MLIP: variants seen among roughly 807,000 people sequenced by gnomAD.
MLIP encodes muscular LMNA-interacting protein.
A neutral mutation model predicts 84.8 loss-of-function variants in MLIP; 79 were observed. That is an observed-to-expected ratio of 0.93 (90% CI 0.78 to 1.12). The LOEUF (loss-of-function observed/expected upper bound fraction) is 1.12. Ranked by LOEUF, MLIP falls within the 50% of genes most tolerant of loss-of-function variation. MLIP has a pLI of 0.00. For synonymous variants in MLIP, 504 were observed against 463.0 expected (o/e 1.09, Z -1.14); for missense variants, 1,257 against 1,160.6 (o/e 1.08, Z -1.21).
chr6:54,153,851 CAA>C (rs3996974), intron 5 of MLIP, among the ~76,000 whole-genome samples: 3 of 117,846 alleles, frequency 2.5e-5, no homozygotes, highest in African/African-American at 3.3e-5. Flanking sequence ...GACTCAGTCT[CAA>C]AAAAAAAAAA....
At chr6:54,237,700 AT>A (rs1781462625) in intron 12 of MLIP, among the ~76,000 whole-genome samples, 1 of 141,270 alleles carries the variant, frequency 7.1e-6, no homozygotes, top group Admixed American at 7.1e-5. Flanking sequence ...AAAAAAAAAA[AT>A]TAGCTGGGCA....
chr6:54,030,575 A>T (rs1055060476), intron 1 of MLIP: 2 of 149,500 alleles, frequency 1.3e-5, no homozygotes, highest in African/African-American at 4.9e-5. Context: ...CACAGCAACT[A>T]TTTTTTTTTT....
At chr6:54,169,694 G>A (rs1292488248) in intron 9 of MLIP, 122 bp downstream of exon 9, 4 of 505,376 alleles carry the variant, frequency 7.9e-6, no homozygotes, top group Admixed American at 4.4e-5. Flanking sequence ...TTGAAGGGTA[G>A]GATGATATGA....
rs145246971 is a variant in MLIP, at chr6:54,124,558, G to A, written c.338G>A (p.Ser113Asn). 1.9e-5 allele frequency: 30 copies of A among 1,614,198 alleles called. No individual in the cohort carries two copies. The African/African-American group carries it at 3.9e-4, about 21-fold the overall frequency. The change falls in exon 3 of 14, where the codon AGT (serine) becomes AAT (asparagine). Residue 113 changes from serine to asparagine, a missense_variant. Coordinates refer to ENST00000502396, the MANE Select transcript of MLIP (RefSeq NM_001281747.2). ...QAKLTCPSEV[S>N]GTILQEREFE... Reference sequence around the variant, plus strand: ...AAATTGACTTGTCCTTCAGAGGTCAGTGGAACGATTTTACAAGAAAGGGAA... The same window carrying A: ...AAATTGACTTGTCCTTCAGAGGTCAATGGAACGATTTTACAAGAAAGGGAA...
intron 11 of MLIP, among the ~76,000 whole-genome samples, chr6:54,209,338 C>T (rs1005856582): frequency 1.3e-5 from 2 of 152,074 alleles, no homozygotes; most frequent in African/African-American, 4.8e-5. Context: ...ATAAGAGAAG[C>T]AAAGAGCTAA....
At chr6:54,199,597 A>G (rs776253644) in intron 10 of MLIP, among the ~76,000 whole-genome samples, 3 of 152,104 alleles carry the variant, frequency 2.0e-5, no homozygotes, top group Non-Finnish European at 2.9e-5. Flanking sequence ...TGGAGGGTGC[A>G]TGAGGTTCAG....
intron 4 of MLIP, among the ~76,000 whole-genome samples, chr6:54,148,239 G>T (rs1233892077): frequency 3.9e-5 from 6 of 152,206 alleles, no homozygotes; most frequent in African/African-American, 1.4e-4. Context: ...CTTGAACTCA[G>T]TTCATCAGCT....
intron 1 of MLIP, chr6:54,083,644 T>G: frequency 7.2e-6 from 11 of 1,534,942 alleles, no homozygotes; most frequent in Non-Finnish European, 7.9e-6. Flanking sequence ...ATTAGTACAA[T>G]TCCTTGATAC....
At chr6:54,240,709 G>A (rs1250152558) in intron 12 of MLIP, among the ~76,000 whole-genome samples, 2 of 152,182 alleles carry the variant, frequency 1.3e-5, no homozygotes, top group Admixed American at 1.3e-4. Context: ...GGGCACCGTG[G>A]CTCACGCCTG....
chr6:54,098,218 C>T (rs1234539034), intron 1 of MLIP, among the ~76,000 whole-genome samples: 1 of 147,974 alleles, frequency 6.8e-6, no homozygotes, highest in Non-Finnish European at 1.5e-5. Context: ...TGAAGTGGCA[C>T]GATCATAGCT....
chr6:54,050,477 C>A (rs1311382022), intron 1 of MLIP, among the ~76,000 whole-genome samples: 1 of 152,030 alleles, frequency 6.6e-6, no homozygotes, highest in Non-Finnish European at 1.5e-5. Flanking sequence ...TTATTGTTCT[C>A]ATTAAATATT....
At chr6:54,231,422 A>G (rs1780991248) in intron 12 of MLIP, among the ~76,000 whole-genome samples, 1 of 152,098 alleles carries the variant, frequency 6.6e-6, no homozygotes, top group African/African-American at 2.4e-5. Flanking sequence ...TAGTAACGCG[A>G]TGTGTAAAAA....
At chr6:54,220,604 T>G (rs1780152257) in intron 11 of MLIP, among the ~76,000 whole-genome samples, 1 of 152,252 alleles carries the variant, frequency 6.6e-6, no homozygotes, top group South Asian at 2.1e-4. Context: ...ACTCCCAATA[T>G]GGGAGTTTTA....
intron 1 of MLIP, among the ~76,000 whole-genome samples, chr6:54,025,782 A>G (rs1466054487): frequency 2.0e-5 from 3 of 152,042 alleles, no homozygotes; most frequent in Non-Finnish European, 4.4e-5. Flanking sequence ...TATTGGTGAC[A>G]TTGTCATGGG....
intron 1 of MLIP, among the ~76,000 whole-genome samples, chr6:54,080,525 C>A (rs1475332431): frequency 6.6e-6 from 1 of 151,712 alleles, no homozygotes; most frequent in Non-Finnish European, 1.5e-5. Flanking sequence ...ATGGACTAAG[C>A]TTCAAAAAAT....
intron 4 of MLIP, among the ~76,000 whole-genome samples, chr6:54,143,686 C>G: frequency 6.6e-6 from 1 of 152,114 alleles, no homozygotes; most frequent in East Asian, 1.9e-4. Context: ...GGAAGGAGGT[C>G]TTTAATTAGC....
At chr6:54,078,691 CT>C (rs70980890) in intron 1 of MLIP, among the ~76,000 whole-genome samples, 3,103 of 133,290 alleles carry the variant, frequency 0.023, 62 homozygotes, top group African/African-American at 0.066. Flanking sequence ...TTCTTTCTTT[CT>C]TTTTTTTTTT....
At chr6:54,201,967 A>C (rs1308926298) in intron 10 of MLIP, 138 bp from the exon 11 acceptor site, 2 of 576,728 alleles carry the variant, frequency 3.5e-6, no homozygotes, top group Non-Finnish European at 5.1e-6. Context: ...GTTTTTATGC[A>C]TTTTTGAAAT....
intron 5 of MLIP, among the ~76,000 whole-genome samples, chr6:54,153,851 C>CAAAAAA (rs3996974): frequency 8.5e-6 from 1 of 117,854 alleles, no homozygotes; most frequent in Admixed American, 8.9e-5. Context: ...GACTCAGTCT[C>CAAAAAA]AAAAAAAAAA....
Sources: gnomAD v4.1 joint callset for allele counts (sites outside exome capture counted in the v4.1 genomes callset) on GRCh38, gnomAD v4.1.1 for gene constraint, MANE v1.5 for transcripts, NCBI Gene and HGNC (gene_info 2026-07-23, HGNC 2026-07-21) for gene names.